HIVEP3: variants seen among roughly 807,000 people sequenced by gnomAD.
HIVEP3 encodes the protein HIVEP zinc finger 3.
A neutral mutation model predicts 152.8 loss-of-function variants in HIVEP3; 49 were observed. The observed-to-expected ratio is 0.32, with a 90% CI of 0.26 to 0.41. The LOEUF (loss-of-function observed/expected upper bound fraction) is 0.41. HIVEP3 is among the 10% of genes least tolerant of loss of function. The pLI, the probability that HIVEP3 is intolerant of heterozygous loss-of-function variation, is 1.00. For missense variants in HIVEP3, 2,790 were observed against 3,103.3 expected, an observed-to-expected ratio of 0.90 and a Z score of 2.40; for synonymous variants, 1,269 against 1,289.0, an observed-to-expected ratio of 0.98 and a Z score of 0.33.
intron 1 of HIVEP3, among the ~76,000 whole-genome samples, chr1:41,740,639 GC>G (rs1646983168): frequency 6.6e-6 from 1 of 152,310 alleles, no homozygotes; most frequent in South Asian, 2.1e-4. Context: ...CACTACACAG[GC>G]CCTGGCTAGG....
intron 1 of HIVEP3, among the ~76,000 whole-genome samples, chr1:41,818,236 T>G (rs1435434816): frequency 6.6e-6 from 1 of 152,190 alleles, no homozygotes; most frequent in African/African-American, 2.4e-5. Flanking sequence ...AATGTACTAG[T>G]AATTCAAAAA....
At chr1:41,983,091 G>GA (rs1288218464) in intron 1 of HIVEP3, among the ~76,000 whole-genome samples, 1 of 152,194 alleles carries the variant, frequency 6.6e-6, no homozygotes. Flanking sequence ...ACACCCCTAC[G>GA]AGAATCTAAT....
intron 5 of HIVEP3, among the ~76,000 whole-genome samples, chr1:41,540,017 G>T (rs932153204): frequency 6.6e-6 from 1 of 152,180 alleles, no homozygotes. Context: ...CTCAGTGCCC[G>T]GCTCTAAAAT....
In HIVEP3 at chr1:41,958,542, C is replaced by T. The variant is rs1570844625; in HGVS notation, n.120-40018G>A. Among the ~76,000 whole-genome samples the T allele has an allele frequency of 3.3e-5, 5 of 152,290 alleles. No homozygotes were observed. In the East Asian group the frequency reaches 7.7e-4, roughly 24 times the overall value. On this transcript the variant is annotated intron_variant and non_coding_transcript_variant, in intron 1 of 3. Coordinates refer to the HIVEP3 transcript ENST00000489103. The stretch of plus-strand genomic sequence containing the variant: ...AGGTACACCCCAGGTTTCACATGAG[C>T]AGGGCCGGGGGTCACAAGCTGCAGG...
chr1:41,790,264 C>T (rs148687171), intron 1 of HIVEP3, among the ~76,000 whole-genome samples: 2,233 of 152,206 alleles, frequency 0.015, 23 homozygotes, highest in Non-Finnish European at 0.019. Context: ...AGGAGCTTGG[C>T]ACCTCCCCTC....
chr1:41,680,115 G>A (rs1467274817), intron 2 of HIVEP3, among the ~76,000 whole-genome samples: 1 of 152,164 alleles, frequency 6.6e-6, no homozygotes, highest in Admixed American at 6.5e-5. Flanking sequence ...CACACCTCAG[G>A]CACACACTGG....
intron 1 of HIVEP3, among the ~76,000 whole-genome samples, chr1:42,007,236 C>T (rs527768985): frequency 1.3e-5 from 2 of 152,282 alleles, no homozygotes; most frequent in African/African-American, 4.8e-5. Flanking sequence ...CACATGCCCT[C>T]GAGTGACCGT....
intron 5 of HIVEP3, among the ~76,000 whole-genome samples, chr1:41,555,327 G>A (rs938028503): frequency 2.6e-5 from 4 of 151,680 alleles, no homozygotes; most frequent in African/African-American, 9.7e-5. Flanking sequence ...ATGTCCTGGT[G>A]TGCCGTTTGC....
At chr1:41,739,333 G>A (rs916828474) in intron 1 of HIVEP3, among the ~76,000 whole-genome samples, 5 of 152,210 alleles carry the variant, frequency 3.3e-5, no homozygotes, top group East Asian at 1.9e-4. Context: ...GGCAGGAGCC[G>A]AGTGAGGTCA....
At chr1:41,958,111 A>G (rs1215054638) in intron 1 of HIVEP3, among the ~76,000 whole-genome samples, 1 of 152,220 alleles carries the variant, frequency 6.6e-6, no homozygotes, top group Non-Finnish European at 1.5e-5. Context: ...TAAAATGGGT[A>G]GCAGAAAAGA....
In HIVEP3 at chr1:42,028,707, G is replaced by T. The variant is rs527602583; in HGVS notation, n.119+7100C>A. Among the ~76,000 whole-genome samples, 6 of 152,282 alleles carry T rather than the reference G, an allele frequency of 3.9e-5. 1 individual carries two copies. In the South Asian group the frequency reaches 1.2e-3, roughly 32 times the overall value. ...CTTCTACAAAGAGGAAATAAATGCT[G>T]GGGATCTTTAATTAAAAACAAAACA... On this transcript the variant is annotated intron_variant and non_coding_transcript_variant, in intron 1 of 3. Transcript: ENST00000489103.
chr1:41,694,926 G>A (rs769606503), intron 2 of HIVEP3, among the ~76,000 whole-genome samples: 7 of 152,232 alleles, frequency 4.6e-5, no homozygotes, highest in South Asian at 2.1e-4. Flanking sequence ...TAAAAACCTC[G>A]CCTCTCCTAT....
intron 1 of HIVEP3, among the ~76,000 whole-genome samples, chr1:41,829,596 A>T (rs191135185): frequency 7.6e-4 from 116 of 151,900 alleles, no homozygotes; most frequent in African/African-American, 2.6e-3. Flanking sequence ...ATAAATAAAT[A>T]AATTAAATAA....
At chr1:41,974,708 T>G (rs1645250153) in intron 1 of HIVEP3, among the ~76,000 whole-genome samples, 1 of 152,118 alleles carries the variant, frequency 6.6e-6, no homozygotes, top group Non-Finnish European at 1.5e-5. Context: ...ACCCCCACTG[T>G]GTAATCCCAC....
At position 41,583,786 on chromosome 1, in the gene HIVEP3, G is replaced by T. The variant is rs1328141149; in HGVS notation, c.1012C>A (p.Pro338Thr). 2 of 1,590,774 alleles carry T rather than the reference G, an allele frequency of 1.3e-6. No individual in the cohort carries two copies. The highest frequency in any genetic ancestry group is 4.5e-5 in the East Asian group (2 of 44,682). Residue 338 changes from proline (P) to threonine (T), a missense_variant, in exon 4 of 9, where the codon CCC (proline) becomes ACC (threonine). By Grantham distance (38) the Pro-to-Thr change is conservative (BLOSUM62 -1). Around this residue, in one of 9 missense-constraint regions of HIVEP3, gnomAD observed 125 missense variants for 130.1 expected, o/e 0.96. Coordinates refer to ENST00000372583, the MANE Select transcript of HIVEP3 (RefSeq NM_024503.5). The surrounding 1 kb of genome is among the most constrained non-coding windows in gnomAD (Gnocchi z 6.9). Reference sequence around the variant, plus strand: ...GATGAGGGTTCCACAAATGGAGGGGGGTCTTCGAGTGACTGGGCTGTGCTG... The same window carrying T: ...GATGAGGGTTCCACAAATGGAGGGGTGTCTTCGAGTGACTGGGCTGTGCTG... Reference protein sequence around the residue: ...QSSTAQSLEDPPPFVEPSSEH... With the variant: ...QSSTAQSLEDTPPFVEPSSEH...
intron 2 of HIVEP3, among the ~76,000 whole-genome samples, chr1:41,655,724 C>A (rs878867570): frequency 1.3e-5 from 2 of 152,190 alleles, no homozygotes; most frequent in Non-Finnish European, 2.9e-5. Flanking sequence ...TCCCTATTGC[C>A]GTGTTCCTTT....
chr1:41,583,276 G>T lies in HIVEP3; in HGVS notation c.1522C>A (p.Pro508Thr). The change falls in exon 4 of 9, where the codon CCC becomes ACC. Residue 508 changes from proline (P) to threonine (T), a missense_variant. This residue lies in a region of HIVEP3 where 134 missense variants were observed against 242.5 expected (regional missense o/e 0.55). Coordinates refer to ENST00000372583, the MANE Select transcript of HIVEP3 (RefSeq NM_024503.5). The surrounding 1 kb of genome is among the most constrained non-coding windows in gnomAD (Gnocchi z 6.9). ...GTTTTCTCACTGTGGGATGACAGGG[G>T]CTCCCGGTAGAGGCTGGATTTTGGG... is the stretch of plus-strand genomic sequence containing the variant. ...ESPKSSLYRE[P>T]LSSHSEKTKP... The T allele has an allele frequency of 6.2e-7, 1 of 1,613,290 alleles. No homozygotes were observed. The highest frequency in any genetic ancestry group is 2.2e-5 in the East Asian group (1 of 44,868).
intron 1 of HIVEP3, among the ~76,000 whole-genome samples, chr1:41,974,523 T>A (rs905848674): frequency 1.3e-4 from 10 of 78,436 alleles, no homozygotes; most frequent in African/African-American, 4.2e-4. Flanking sequence ...ACACACACAC[T>A]GTATCCTCTA....
At chr1:41,684,724 T>C (rs991993074) in intron 2 of HIVEP3, among the ~76,000 whole-genome samples, 3 of 152,220 alleles carry the variant, frequency 2.0e-5, no homozygotes, top group Non-Finnish European at 2.9e-5. Flanking sequence ...TTAGATGAGA[T>C]AATGGCCAGC....
Sources: allele counts gnomAD v4.1 joint callset (sites outside exome capture counted in the v4.1 genomes callset), GRCh38; gene constraint gnomAD v4.1.1; regional missense constraint gnomAD v4.1.1; non-coding constraint Gnocchi (gnomAD v3.1); transcripts MANE v1.5; gene names NCBI Gene and HGNC (gene_info 2026-07-23, HGNC 2026-07-21).